Variants in CTNND1 observed in about 807,000 individuals in gnomAD.
The protein encoded by CTNND1 is catenin delta 1, also known as catenin delta-1.
CTNND1 carries 16 observed loss-of-function variants against 112.1 expected under a neutral mutation model. The observed-to-expected ratio is 0.14, with a 90% CI of 0.10 to 0.22. The LOEUF is 0.22. CTNND1 is among the 10% of genes least tolerant of loss of function. The pLI is 1.00. For synonymous variants in CTNND1, 420 were observed against 446.5 expected (o/e 0.94, Z 0.75); for missense variants, 1,008 against 1,257.0 (o/e 0.80, Z 3.00).
At chr11:57,809,748 G>A (rs1011360621) in intron 15 of CTNND1, among the ~76,000 whole-genome samples, 4 of 152,176 alleles carry the variant, frequency 2.6e-5, no homozygotes, top group East Asian at 1.9e-4. Context: ...GCAGAGTCTC[G>A]CTCTGTCACC....
rs575329880 is a variant in CTNND1, at chr11:57,805,682, T to C, written c.1723-200T>C. On this transcript the variant is annotated intron_variant, in intron 9 of 20. Coordinates refer to ENST00000399050, the MANE Select transcript of CTNND1 (RefSeq NM_001085458.2). ...CCAAATAGTGGCAGAAGCCAATAAG[T>C]CCATAGTTGGACCTTCCATTAGCCT... 3.3e-5 allele frequency among the ~76,000 whole-genome samples: 5 copies of C among 152,258 alleles called. No homozygotes were observed. In the South Asian group the frequency reaches 8.3e-4, roughly 25 times the overall value.
chr11:57,782,042 T>A (rs2059637402), intron 1 of CTNND1, among the ~76,000 whole-genome samples: 1 of 152,120 alleles, frequency 6.6e-6, no homozygotes, highest in Non-Finnish European at 1.5e-5. Flanking sequence ...TGATTTTTTT[T>A]TTTTTAAGTT....
intron 4 of CTNND1, among the ~76,000 whole-genome samples, chr11:57,794,697 A>G (rs11229130): frequency 0.25 from 37,809 of 151,486 alleles, 5,519 homozygotes; most frequent in Non-Finnish European, 0.33. Context: ...AGGCAGGAGA[A>G]TTGCTTGAAA....
intron 1 of CTNND1, among the ~76,000 whole-genome samples, chr11:57,773,112 G>A (rs1953127535): frequency 7.9e-6 from 1 of 126,066 alleles, no homozygotes; most frequent in South Asian, 2.5e-4. Context: ...TAAACAACTG[G>A]TTTATATGTA....
At chr11:57,786,942 A>G (rs1473551851) in intron 1 of CTNND1, among the ~76,000 whole-genome samples, 1 of 152,140 alleles carries the variant, frequency 6.6e-6, no homozygotes, top group Non-Finnish European at 1.5e-5. Flanking sequence ...CTGCACTTCT[A>G]TTTGGACTTG....
At chr11:57,813,764 A>G (rs1384728562) in intron 17 of CTNND1, among the ~76,000 whole-genome samples, 1 of 152,238 alleles carries the variant, frequency 6.6e-6, no homozygotes, top group Non-Finnish European at 1.5e-5. Flanking sequence ...AGAAGCAGGT[A>G]TGAGAATCTA....
At position 57,767,481 on chromosome 11, in the gene CTNND1, A is replaced by G. The variant is rs117175955; in HGVS notation, c.-214+5362A>G. Among the ~76,000 whole-genome samples, 24 of 152,294 alleles carry G rather than the reference A, an allele frequency of 1.6e-4. No homozygotes were observed. In the East Asian group the frequency reaches 4.1e-3, roughly 26 times the overall value. Reference sequence around the variant, plus strand: ...CATGTTGCCACAAATGCTTTATTCTATATTTTTTGGTAAATATGCTAACCA... The same window carrying G: ...CATGTTGCCACAAATGCTTTATTCTGTATTTTTTGGTAAATATGCTAACCA... On this transcript the variant is annotated intron_variant, in intron 1 of 20. Transcript: ENST00000399050.
chr11:57,778,856 A>G (rs1041599236), intron 1 of CTNND1, among the ~76,000 whole-genome samples: 7 of 152,188 alleles, frequency 4.6e-5, no homozygotes, highest in African/African-American at 1.7e-4. Flanking sequence ...CAGCTCTGCT[A>G]CAGAGCTCTG....
chr11:57,774,562 G>C (rs535793841), intron 1 of CTNND1, among the ~76,000 whole-genome samples: 23 of 152,284 alleles, frequency 1.5e-4, no homozygotes, highest in Non-Finnish European at 1.6e-4. Context: ...GATCTGAGCT[G>C]TCTGGTGAGC....
intron 1 of CTNND1, among the ~76,000 whole-genome samples, chr11:57,771,376 G>A (rs1952562598): frequency 6.6e-6 from 1 of 152,162 alleles, no homozygotes; most frequent in Admixed American, 6.6e-5. Flanking sequence ...AAAGTAGAAT[G>A]AGTAGTATGG....
Position 57,816,243 on chromosome 11 carries a change from G to T in CTNND1, c.2896-54G>T, listed in dbSNP as rs371353690. 69 of 1,609,964 alleles carry T rather than the reference G, an allele frequency of 4.3e-5. No homozygotes were observed. The South Asian group carries it at 5.0e-4, about 12-fold the overall frequency. ...GATTTGCTCAACTTTTTTGGGGGGGGTCTCCTTAATCCCAACCCCATTAAC... is the reference window on the plus strand; with the variant it reads ...GATTTGCTCAACTTTTTTGGGGGGGTTCTCCTTAATCCCAACCCCATTAAC... On this transcript the variant is annotated intron_variant, in intron 20 of 20. Transcript: ENST00000399050.
At chr11:57,785,151 G>C (rs2059993898) in intron 1 of CTNND1, among the ~76,000 whole-genome samples, 1 of 152,122 alleles carries the variant, frequency 6.6e-6, no homozygotes, top group Admixed American at 6.5e-5. Context: ...TGCTGCAAAT[G>C]AAAGAGGGGA....
intron 1 of CTNND1, among the ~76,000 whole-genome samples, chr11:57,766,257 G>T (rs1951048283): frequency 6.6e-6 from 1 of 152,186 alleles, no homozygotes; most frequent in African/African-American, 2.4e-5. Context: ...CCTGGTTGGA[G>T]GTGAATGGTT....
chr11:57,801,002 T>C (rs1419183127), intron 6 of CTNND1, among the ~76,000 whole-genome samples: 1 of 152,230 alleles, frequency 6.6e-6, no homozygotes, highest in Non-Finnish European at 1.5e-5. Flanking sequence ...TTGAAAGAGC[T>C]GGAGGTATTG....
Position 57,816,531 on chromosome 11 carries a change from T to C in CTNND1, c.*223T>C, listed in dbSNP as rs1193125346. The C allele has an allele frequency of 1.7e-6, 1 of 583,028 alleles. No individual in the cohort carries two copies. Among genetic ancestry groups the C allele is most frequent in the East Asian group, 2.8e-5 (1 of 35,406 alleles). 36.1% of individuals were successfully genotyped at this position (583,028 alleles called of 1,614,324 possible). On this transcript the variant is annotated 3_prime_UTR_variant, in exon 21 of 21. Coordinates refer to ENST00000399050, the MANE Select transcript of CTNND1 (RefSeq NM_001085458.2). ...CCCCCTCCCCCATTCCCTCCATTTT[T>C]CTCCCAAGAAACCTGACTCAATTAT...
chr11:57,795,513 T>C, intron 4 of CTNND1, 64 bp from the exon 5 acceptor site: 1 of 1,527,222 alleles, frequency 6.5e-7, no homozygotes, highest in African/African-American at 1.4e-5. Context: ...ATGCTTCTTA[T>C]TAGGATGGCT....
chr11:57,775,796 C>G (rs1417007898), intron 1 of CTNND1, among the ~76,000 whole-genome samples: 1 of 152,108 alleles, frequency 6.6e-6, no homozygotes, highest in East Asian at 1.9e-4. Flanking sequence ...TCGTGTATAG[C>G]CGCTTAAGGT....
chr11:57,789,018 C>A lies in CTNND1; in HGVS notation c.-213-19C>A. 1 of 1,505,370 alleles carries A rather than the reference C, an allele frequency of 6.6e-7. No individual in the cohort carries two copies. The highest frequency in any genetic ancestry group is 1.4e-5 in the African/African-American group (1 of 72,464). The allele number at this position is 1,505,370 out of a possible 1,614,324, so 93.3% of individuals were successfully genotyped here. On this transcript the variant is annotated intron_variant, in intron 1 of 20. Transcript: ENST00000399050. Reference sequence around the variant, plus strand: ...TTATTTTCCTCTCATTCCCATTTTTCCTTCAAATATTTCTGCAGCTCTCTC... The same window carrying A: ...TTATTTTCCTCTCATTCCCATTTTTACTTCAAATATTTCTGCAGCTCTCTC...
Position 57,788,002 on chromosome 11 carries a change from C to G in CTNND1, c.-213-1035C>G, listed in dbSNP as rs539095605. On this transcript the variant is annotated intron_variant, in intron 1 of 20. Coordinates refer to ENST00000399050, the MANE Select transcript of CTNND1 (RefSeq NM_001085458.2). This position sits in a 1 kb window ranked among gnomAD's most constrained non-coding sequence, Gnocchi z 4.1. ...TTTGCAGCAGGGAATGTCACTGTAT[C>G]CCCCGTGGTAGCAGTAATTTGGGCT... 6.6e-6 allele frequency among the ~76,000 whole-genome samples: 1 copy of G among 152,322 alleles called. No individual in the cohort carries two copies. The highest frequency in any genetic ancestry group is 1.5e-5 in the Non-Finnish European group (1 of 68,040).
Sources: gnomAD v4.1 joint callset for allele counts (sites outside exome capture counted in the v4.1 genomes callset) on GRCh38, gnomAD v4.1.1 for gene constraint, Gnocchi (gnomAD v3.1) non-coding constraint, MANE v1.5 for transcripts, NCBI Gene and HGNC (gene_info 2026-07-23, HGNC 2026-07-21) for gene names.